The following LSAMP variants were observed in gnomAD, a reference collection of about 807,000 sequenced individuals.
The protein encoded by LSAMP is limbic system-associated membrane protein.
A neutral mutation model predicts 38.6 loss-of-function variants in LSAMP; 7 were observed. The ratio of observed to expected loss-of-function variants is 0.18; its 90% confidence interval spans 0.10 to 0.34. The LOEUF is 0.34. Ranked by LOEUF, LSAMP falls within the 10% of genes least tolerant of loss-of-function variation. LSAMP has a pLI of 1.00. For synonymous variants in LSAMP, 154 were observed against 166.8 expected (o/e 0.92, Z 0.59); for missense variants, 313 against 420.0 (o/e 0.75, Z 2.23).
intron 1 of LSAMP, among the ~76,000 whole-genome samples, chr3:116,414,331 G>A (rs2049020944): frequency 6.6e-6 from 1 of 152,014 alleles, no homozygotes; most frequent in African/African-American, 2.4e-5. Context: ...GCAGCGCAGT[G>A]GATTTCAATA....
At chr3:116,129,334 C>T (rs567680461) in intron 1 of LSAMP, among the ~76,000 whole-genome samples, 14 of 152,134 alleles carry the variant, frequency 9.2e-5, no homozygotes, top group African/African-American at 2.4e-4. Flanking sequence ...AGAACATCCT[C>T]GGGCCAAAAA....
intron 3 of LSAMP, among the ~76,000 whole-genome samples, chr3:115,868,337 A>C (rs577477895): frequency 2.0e-5 from 3 of 152,262 alleles, no homozygotes; most frequent in African/African-American, 7.2e-5. Flanking sequence ...ACACAATTCC[A>C]AAACAGTCAT....
intron 1 of LSAMP, among the ~76,000 whole-genome samples, chr3:116,147,746 C>T (rs370938564): frequency 6.6e-6 from 1 of 151,802 alleles, no homozygotes; most frequent in African/African-American, 2.4e-5. Context: ...TATCAGCAGG[C>T]AGTGGGGCAT....
intron 1 of LSAMP, among the ~76,000 whole-genome samples, chr3:116,280,517 A>C (rs1020323001): frequency 5.9e-5 from 9 of 152,236 alleles, no homozygotes; most frequent in Admixed American, 4.6e-4. Context: ...AATCAACTGA[A>C]AACAGACCCA....
intron 3 of LSAMP, among the ~76,000 whole-genome samples, chr3:115,935,417 C>A (rs1937667155): frequency 6.6e-6 from 1 of 152,128 alleles, no homozygotes. Flanking sequence ...AATGGCAAAC[C>A]ACAATCTTGC....
At chr3:116,166,779 T>C (rs1295901199) in intron 1 of LSAMP, among the ~76,000 whole-genome samples, 1 of 147,390 alleles carries the variant, frequency 6.8e-6, no homozygotes, top group African/African-American at 2.5e-5. Flanking sequence ...ATTTTTAGTT[T>C]TTTTTTTGTT....
chr3:116,316,778 G>GAAAAAAAA (rs35294836), intron 1 of LSAMP, among the ~76,000 whole-genome samples: 10 of 119,002 alleles, frequency 8.4e-5, no homozygotes, highest in South Asian at 2.7e-4. Flanking sequence ...CTCAAAAAAA[G>GAAAAAAAA]AAAAAAAAAA....
chr3:116,335,247 A>C (rs1323800987), intron 1 of LSAMP, among the ~76,000 whole-genome samples: 20 of 152,096 alleles, frequency 1.3e-4, no homozygotes, highest in Admixed American at 1.3e-3. Flanking sequence ...TGTCATGTTC[A>C]TGGATTGAAA....
chr3:115,943,487 C>A (rs933198116), intron 3 of LSAMP, among the ~76,000 whole-genome samples: 2 of 152,130 alleles, frequency 1.3e-5, no homozygotes, highest in Admixed American at 1.3e-4. Context: ...CTGCTCTGCT[C>A]CTATAGTTAG....
rs996308367 is a variant in LSAMP at position 116,376,945 on chromosome 3, A to C, written c.155+67932T>G. On this transcript the variant is annotated intron_variant, in intron 1 of 6. Transcript: ENST00000490035. ...TATCTATTTGTACTACTACTAAGACAATTTCAATTAGTTTTTATTGAAATA... is the reference window on the plus strand; with the variant it reads ...TATCTATTTGTACTACTACTAAGACCATTTCAATTAGTTTTTATTGAAATA... Among the ~76,000 whole-genome samples the C allele has an allele frequency of 2.0e-5, 3 of 152,096 alleles. No individual in the cohort carries two copies. In the East Asian group the frequency reaches 5.8e-4, roughly 29 times the overall value.
chr3:116,429,206 T>C (rs1431627032), intron 1 of LSAMP, among the ~76,000 whole-genome samples: 1 of 152,228 alleles, frequency 6.6e-6, no homozygotes, highest in Admixed American at 6.5e-5. Context: ...ACTGGTTTCA[T>C]ACTCTGATAA....
At chr3:115,983,228 A>G (rs1334491013) in intron 3 of LSAMP, among the ~76,000 whole-genome samples, 1 of 152,148 alleles carries the variant, frequency 6.6e-6, no homozygotes, top group Non-Finnish European at 1.5e-5. Context: ...CTATAAATAA[A>G]TTAATGGCCA....
At chr3:115,892,631 A>G (rs1261094730) in intron 3 of LSAMP, among the ~76,000 whole-genome samples, 2 of 151,874 alleles carry the variant, frequency 1.3e-5, no homozygotes, top group Admixed American at 1.3e-4. Context: ...TCTGGATATC[A>G]GTGTCATGCT....
intron 1 of LSAMP, among the ~76,000 whole-genome samples, chr3:116,195,315 T>G (rs1425361488): frequency 6.6e-6 from 1 of 152,226 alleles, no homozygotes. Flanking sequence ...AACTGAGTGA[T>G]TTCTGACTCC....
At chr3:116,059,357 GAGA>G (rs1404852118) in intron 2 of LSAMP, among the ~76,000 whole-genome samples, 5 of 152,134 alleles carry the variant, frequency 3.3e-5, no homozygotes, top group Admixed American at 3.3e-4. Flanking sequence ...ATATAATCAG[GAGA>G]AGATGTGTTC....
chr3:116,160,684 T>C (rs757046738), intron 1 of LSAMP, among the ~76,000 whole-genome samples: 7 of 152,062 alleles, frequency 4.6e-5, no homozygotes, highest in Non-Finnish European at 1.0e-4. Context: ...TAAAATAAAA[T>C]AAATTTGGAA....
chr3:116,174,588 C>A (rs1576411665), intron 1 of LSAMP, among the ~76,000 whole-genome samples: 1 of 151,970 alleles, frequency 6.6e-6, no homozygotes, highest in African/African-American at 2.4e-5. Context: ...CTCATCAAAT[C>A]TAGCCATATT....
intron 3 of LSAMP, among the ~76,000 whole-genome samples, chr3:115,889,818 C>T (rs1300848067): frequency 2.0e-5 from 3 of 151,948 alleles, no homozygotes; most frequent in Non-Finnish European, 4.4e-5. Context: ...CACCGCAAAA[C>T]GAATCCTGTC....
At chr3:116,319,661 C>T (rs904808819) in intron 1 of LSAMP, among the ~76,000 whole-genome samples, 2 of 152,126 alleles carry the variant, frequency 1.3e-5, no homozygotes, top group South Asian at 2.1e-4. Flanking sequence ...CCCTCTGGAT[C>T]GGCACCTCTC....
Sources: allele counts gnomAD v4.1 joint callset (sites outside exome capture counted in the v4.1 genomes callset), GRCh38; gene constraint gnomAD v4.1.1; transcripts MANE v1.5; gene names NCBI Gene and HGNC (gene_info 2026-07-23, HGNC 2026-07-21).